TLN2: variants seen among roughly 807,000 people sequenced by gnomAD.
TLN2 encodes talin-2.
In TLN2, 118 loss-of-function variants were observed where a neutral mutation model predicts 294.7. The observed-to-expected ratio is 0.40, with a 90% CI of 0.34 to 0.47. The LOEUF is 0.47. Ranked by LOEUF, TLN2 falls within the 20% of genes least tolerant of loss-of-function variation. The pLI is 0.84. For synonymous variants in TLN2, 1,431 were observed against 1,304.5 expected, an observed-to-expected ratio of 1.10 and a Z score of -2.09; for missense variants, 3,083 against 3,282.2, an observed-to-expected ratio of 0.94 and a Z score of 1.48.
rs145411506 is a variant in TLN2 at position 62,719,998 on chromosome 15, G to C, written c.2991+118G>C. 1,365 of 700,624 alleles carry C rather than the reference G, an allele frequency of 1.9e-3. 3 individuals are homozygous for C. Among genetic ancestry groups the C allele is most frequent in the Admixed American group, 3.0e-3 (81 of 27,322 alleles). 43.4% of individuals were successfully genotyped at this position (700,624 alleles called of 1,614,324 possible). A position where few individuals can be genotyped will look rare whatever the true frequency, so the allele number is the denominator to read the frequency against. On this transcript the variant is annotated intron_variant, in intron 25 of 58. Transcript: ENST00000636159. ...TCAGCTAAGTCTTTGCGGTAGGCAGGGCTTGAAGGCCTCTTCTTTACCTTT... is the reference window on the plus strand; with the variant it reads ...TCAGCTAAGTCTTTGCGGTAGGCAGCGCTTGAAGGCCTCTTCTTTACCTTT...
At chr15:62,423,371 A>T (rs1489534982) in intron 1 of TLN2, among the ~76,000 whole-genome samples, 1 of 152,050 alleles carries the variant, frequency 6.6e-6, no homozygotes, top group Non-Finnish European at 1.5e-5. Context: ...ACCCTTTTTT[A>T]AAAAACAAAA....
intron 1 of TLN2, among the ~76,000 whole-genome samples, chr15:62,465,037 C>G (rs1386595626): frequency 4.2e-5 from 6 of 143,144 alleles, no homozygotes; most frequent in African/African-American, 1.6e-4. Context: ...CTTAAATGAT[C>G]TTTAGATTTC....
chr15:62,697,080 C>T (rs965948635), intron 14 of TLN2, among the ~76,000 whole-genome samples: 4 of 152,142 alleles, frequency 2.6e-5, no homozygotes, highest in African/African-American at 9.7e-5. Flanking sequence ...AAACCTGGAA[C>T]ATCATTATTA....
intron 51 of TLN2, among the ~76,000 whole-genome samples, chr15:62,807,343 A>G (rs1372359468): frequency 6.6e-6 from 1 of 152,186 alleles, no homozygotes; most frequent in Non-Finnish European, 1.5e-5. Context: ...GGCGAGAGTA[A>G]TTATTCTGTT....
chr15:62,533,819 G>T (rs62006696), intron 1 of TLN2, among the ~76,000 whole-genome samples: 1 of 152,166 alleles, frequency 6.6e-6, no homozygotes, highest in African/African-American at 2.4e-5. Context: ...CTGTGTAGAA[G>T]GGCCCCATGC....
chr15:62,503,403 C>T (rs867049729), intron 1 of TLN2, among the ~76,000 whole-genome samples: 1 of 152,114 alleles, frequency 6.6e-6, no homozygotes, highest in Non-Finnish European at 1.5e-5. Context: ...AGCTCGAATC[C>T]TCCACTTCAA....
intron 1 of TLN2, among the ~76,000 whole-genome samples, chr15:62,556,441 G>A (rs2042610165): frequency 6.6e-6 from 1 of 151,794 alleles, no homozygotes; most frequent in Non-Finnish European, 1.5e-5. Flanking sequence ...TGGGTAGCTG[G>A]GACTACAGGT....
intron 11 of TLN2, among the ~76,000 whole-genome samples, chr15:62,683,381 G>A (rs909638867): frequency 6.6e-6 from 1 of 152,068 alleles, no homozygotes; most frequent in Non-Finnish European, 1.5e-5. Flanking sequence ...GAAAGAGGAG[G>A]GCTTGGGTTT....
intron 58 of TLN2, 150 bp from the exon 59 acceptor site, chr15:62,840,332 G>T (rs1443473320): frequency 8.7e-7 from 1 of 1,156,022 alleles, no homozygotes; most frequent in African/African-American, 1.6e-5. Flanking sequence ...AACAGTGACA[G>T]AGGCTGGTCG....
At chr15:62,665,381 C>T (rs1255051774) in intron 9 of TLN2, among the ~76,000 whole-genome samples, 2 of 152,106 alleles carry the variant, frequency 1.3e-5, no homozygotes, top group Non-Finnish European at 2.9e-5. Context: ...AAGGTGGTTG[C>T]AGTAGTCTGG....
At chr15:62,766,523 A>G (rs2063018805) in intron 41 of TLN2, 101 bp downstream of exon 41, 3 of 1,141,820 alleles carry the variant, frequency 2.6e-6, no homozygotes, top group African/African-American at 1.5e-5. Flanking sequence ...CTGTGGTGCA[A>G]GTATTGTGCC....
In TLN2 at chr15:62,792,635, C is replaced by T. The variant is rs759780576; in HGVS notation, c.5737-6C>T. 7 of 1,612,586 alleles carry T rather than the reference C, an allele frequency of 4.3e-6. No individual in the cohort carries two copies. Among genetic ancestry groups the T allele is most frequent in the Non-Finnish European group, 5.9e-6 (7 of 1,179,694 alleles). ...CTCCTTCCCCATCCTGGGCTTGCCT[C>T]TGCAGATCGGATTCCAGATTCGCAC... is the stretch of plus-strand genomic sequence containing the variant. On this transcript the variant is annotated splice_region_variant and splice_polypyrimidine_tract_variant and intron_variant, in intron 45 of 58. Transcript: ENST00000636159.
chr15:62,581,742 T>A lies in TLN2; in HGVS notation c.-237-7945T>A, dbSNP rs887493157. On this transcript the variant is annotated intron_variant, in intron 1 of 58. Transcript: ENST00000636159. Reference sequence around the variant, plus strand: ...AGTTTATTCACAGACCCCAGGTTTGTAGCAAAAGAGTGAATAGTGGGCCGG... The same window carrying A: ...AGTTTATTCACAGACCCCAGGTTTGAAGCAAAAGAGTGAATAGTGGGCCGG... Among the ~76,000 whole-genome samples the A allele has an allele frequency of 9.2e-5, 14 of 152,050 alleles. 2 individuals are homozygous for A. The highest frequency in any genetic ancestry group is 8.5e-4 in the Admixed American group (13 of 15,262).
At chr15:62,738,378 C>A (rs201494830) in intron 30 of TLN2, 45 bp downstream of exon 30, 1 of 1,607,370 alleles carries the variant, frequency 6.2e-7, no homozygotes, top group African/African-American at 1.3e-5. Context: ...GGACTAGGCT[C>A]GCGTTAGGTG....
chr15:62,457,032 C>A (rs1158925331), intron 1 of TLN2, among the ~76,000 whole-genome samples: 2 of 152,104 alleles, frequency 1.3e-5, no homozygotes, highest in Non-Finnish European at 2.9e-5. Context: ...TGCCTGTGGC[C>A]CTGTCTACCC....
intron 1 of TLN2, among the ~76,000 whole-genome samples, chr15:62,428,504 C>T (rs553144074): frequency 1.3e-5 from 2 of 152,314 alleles, no homozygotes; most frequent in Admixed American, 6.5e-5. Context: ...GAAGAAAGCA[C>T]GTGAAGCCAC....
At chr15:62,644,798 G>A in intron 3 of TLN2, 1 of 344,012 alleles carries the variant, frequency 2.9e-6, no homozygotes, top group South Asian at 2.3e-5. Flanking sequence ...TCGGGTCCAT[G>A]TCATGGCTCT....
chr15:62,477,547 T>C (rs1288383893), intron 1 of TLN2, among the ~76,000 whole-genome samples: 1 of 152,166 alleles, frequency 6.6e-6, no homozygotes, highest in Non-Finnish European at 1.5e-5. Flanking sequence ...TATCATAGGT[T>C]GTAGGTTTGT....
At position 62,707,270 on chromosome 15, in the gene TLN2, C is replaced by T. The variant is rs1431261921; in HGVS notation, c.2172+17C>T. On this transcript the variant is annotated intron_variant, in intron 20 of 58. Coordinates refer to ENST00000636159, the MANE Select transcript of TLN2 (RefSeq NM_015059.3). ...TGTGCCAAGGTAAGCCAGCTGGCAC[C>T]CCAGCCCTTTCTACCCAGTATCACC... is the stretch of plus-strand genomic sequence containing the variant. The T allele has an allele frequency of 1.3e-6, 2 of 1,598,600 alleles. No homozygotes were observed. The highest frequency in any genetic ancestry group is 2.2e-5 in the East Asian group (1 of 44,460).
Sources: gnomAD v4.1 joint callset for allele counts (sites outside exome capture counted in the v4.1 genomes callset) on GRCh38, gnomAD v4.1.1 for gene constraint, MANE v1.5 for transcripts, NCBI Gene and HGNC (gene_info 2026-07-23, HGNC 2026-07-21) for gene names.